The following RRS1 variants were observed in gnomAD, a reference collection of about 807,000 sequenced individuals.
The protein encoded by RRS1 is ribosome biogenesis regulatory protein homolog.
A neutral mutation model predicts 23.1 loss-of-function variants in RRS1; 10 were observed. The ratio of observed to expected loss-of-function variants is 0.43; its 90% CI spans 0.27 to 0.74. The LOEUF (loss-of-function observed/expected upper bound fraction) is 0.74, where lower values mean the gene tolerates loss of function less well. Ranked by LOEUF, RRS1 falls within the 30% of genes least tolerant of loss-of-function variation. The pLI is 0.19. For synonymous variants in RRS1, 198 were observed against 207.7 expected (o/e 0.95, Z 0.40); for missense variants, 485 against 484.3 (o/e 1.00, Z -0.01).
chr8:66,429,145 G>A lies in RRS1; in HGVS notation c.14G>A (p.Ser5Asn). 6.2e-7 allele frequency: 1 copy of A among 1,609,236 alleles called. No individual in the cohort carries two copies. Residue 5 changes from serine to asparagine, a missense_variant, in exon 1 of 1, where the codon AGC becomes AAC. Physicochemically the swap from Ser to Asn is conservative, Grantham distance 46 (BLOSUM62 1). Coordinates refer to ENST00000320270, the MANE Select transcript of RRS1 (RefSeq NM_015169.4). The surrounding 1 kb of genome is among the most constrained non-coding windows in gnomAD (Gnocchi z 5.1). MEGQSVEELLAKAEQ... is the reference protein window; with the variant it reads MEGQNVEELLAKAEQ... ...CGAGCCGGAGCCATGGAGGGCCAGA[G>A]CGTGGAGGAGCTGCTCGCAAAGGCA...
In RRS1 at chr8:66,430,126, G is replaced by A. The variant is rs1185068596; in HGVS notation, c.995G>A (p.Gly332Glu). 7 of 1,613,928 alleles carry A rather than the reference G, an allele frequency of 4.3e-6. No homozygotes were observed. The highest frequency in any genetic ancestry group is 2.2e-5 in the East Asian group (1 of 44,866). ...KRKGGPPSQG[G>E]KRKGGLGGKM... The stretch of plus-strand genomic sequence containing the variant: ...AAAGGGGGCCCGCCCAGCCAGGGAG[G>A]GAAGAGGAAAGGGGGCTTGGGAGGC... Residue 332 changes from glycine (G) to glutamate (E), a missense_variant, in exon 1 of 1, where the codon GGG becomes GAG. Physicochemically the swap from Gly to Glu is moderately conservative, Grantham distance 98 (BLOSUM62 -2). Transcript: ENST00000320270.
chr8:66,429,943 T>C lies in RRS1; in HGVS notation c.812T>C (p.Leu271Pro), dbSNP rs1805189250. 1 of 1,614,150 alleles carries C rather than the reference T, an allele frequency of 6.2e-7. No homozygotes were observed. The highest frequency in any genetic ancestry group is 8.5e-7 in the Non-Finnish European group (1 of 1,180,000). The change falls in exon 1 of 1, where the codon CTG becomes CCG. Residue 271 changes from leucine to proline, a missense_variant. Coordinates refer to ENST00000320270, the MANE Select transcript of RRS1 (RefSeq NM_015169.4). This position sits in a 1 kb window ranked among gnomAD's most constrained non-coding sequence, Gnocchi z 5.1. ...GCCGAGAAAAAGAACCAGTTGGAGCTGCTTCGTGTCATGAACAGCAAGAAG... is the reference window on the plus strand; with the variant it reads ...GCCGAGAAAAAGAACCAGTTGGAGCCGCTTCGTGTCATGAACAGCAAGAAG... ...FAAEKKNQLE[L>P]LRVMNSKKPQ...
In RRS1 at chr8:66,430,404, T is replaced by C; in HGVS notation, c.*175T>C. 6.1e-6 allele frequency: 4 copies of C among 654,310 alleles called. No individual in the cohort carries two copies. Among genetic ancestry groups the C allele is most frequent in the Non-Finnish European group, 1.0e-5 (4 of 384,472 alleles). 40.5% of individuals were successfully genotyped at this position (654,310 alleles called of 1,614,324 possible). A position where few individuals can be genotyped will look rare whatever the true frequency, so the allele number is the denominator to read the frequency against. ...GTAAGTGTTGGACTGCACAAATTAA[T>C]GTTTTTCCCACAACCGAGACTTTGG... On this transcript the variant is annotated 3_prime_UTR_variant, in exon 1 of 1. Transcript: ENST00000320270.
chr8:66,429,316 A>T lies in RRS1; in HGVS notation c.185A>T (p.Gln62Leu). The T allele has an allele frequency of 1.9e-6, 3 of 1,556,076 alleles. No homozygotes were observed. Among genetic ancestry groups the T allele is most frequent in the Non-Finnish European group, 2.6e-6 (3 of 1,149,864 alleles). Residue 62 changes from glutamine (Q) to leucine (L), a missense_variant, in exon 1 of 1, where the codon CAG (glutamine) becomes CTG (leucine). Coordinates refer to ENST00000320270, the MANE Select transcript of RRS1 (RefSeq NM_015169.4). This position sits in a 1 kb window ranked among gnomAD's most constrained non-coding sequence, Gnocchi z 5.1. ...CAGPTPEAEL[Q>L]ALARDNTQLL... ...GGACCCACGCCGGAGGCCGAGCTAC[A>T]GGCCCTGGCGCGGGACAACACGCAA...
chr8:66,429,056 T>G lies in RRS1; in HGVS notation c.-76T>G. The G allele has an allele frequency of 9.1e-6, 14 of 1,530,886 alleles. No homozygotes were observed. In the South Asian group the frequency reaches 1.7e-4, roughly 18 times the overall value. The allele number at this position is 1,530,886 out of a possible 1,614,324, so 94.8% of individuals were successfully genotyped here. A position where few individuals can be genotyped will look rare whatever the true frequency, so the allele number is the denominator to read the frequency against. The stretch of plus-strand genomic sequence containing the variant: ...TCCCGGCATCTGCACGTGGTTATGC[T>G]GCCGGAGTTTGGGCCGCCACTGTAG... On this transcript the variant is annotated 5_prime_UTR_variant, in exon 1 of 1. Coordinates refer to ENST00000320270, the MANE Select transcript of RRS1 (RefSeq NM_015169.4). The surrounding 1 kb of genome is among the most constrained non-coding windows in gnomAD (Gnocchi z 5.1).
chr8:66,430,521 CTTTT>C lies in RRS1; in HGVS notation c.*294_*297del. ...CTATTCTTAAACAGCCTTTTTTTTT[CTTTT>C]TAATGTTGGATATACGGCGAGGTAG... On this transcript the variant is annotated 3_prime_UTR_variant, in exon 1 of 1. Transcript: ENST00000320270. The C allele has an allele frequency of 2.7e-6, 1 of 373,456 alleles. No homozygotes were observed. 23.1% of individuals were successfully genotyped at this position (373,456 alleles called of 1,614,324 possible).
At position 66,429,140 on chromosome 8, in the gene RRS1, C is replaced by A. The variant is rs760850896; in HGVS notation, c.9C>A (p.Gly3=). The change falls in exon 1 of 1, where the codon GGC becomes GGA. Residue 3 remains glycine, a synonymous_variant. Transcript: ENST00000320270. The surrounding 1 kb of genome is among the most constrained non-coding windows in gnomAD (Gnocchi z 5.1). ...TGAGCCGAGCCGGAGCCATGGAGGG[C>A]CAGAGCGTGGAGGAGCTGCTCGCAA... The part of the protein sequence containing the change: ME[G]QSVEELLAKA... 1.9e-6 allele frequency: 3 copies of A among 1,606,786 alleles called. No homozygotes were observed. The highest frequency in any genetic ancestry group is 2.6e-6 in the Non-Finnish European group (3 of 1,175,116).
Position 66,430,409 on chromosome 8 carries a change from T to G in RRS1, c.*180T>G. 1 of 634,682 alleles carries G rather than the reference T, an allele frequency of 1.6e-6. No individual in the cohort carries two copies. The highest frequency in any genetic ancestry group is 2.7e-6 in the Non-Finnish European group (1 of 369,756). 39.3% of individuals were successfully genotyped at this position (634,682 alleles called of 1,614,324 possible). On this transcript the variant is annotated 3_prime_UTR_variant, in exon 1 of 1. Coordinates refer to ENST00000320270, the MANE Select transcript of RRS1 (RefSeq NM_015169.4). ...TGTTGGACTGCACAAATTAATGTTT[T>G]TCCCACAACCGAGACTTTGGAGATT...
Position 66,429,805 on chromosome 8 carries a change from C to T in RRS1, c.674C>T (p.Ala225Val). The T allele has an allele frequency of 1.2e-6, 2 of 1,612,980 alleles. No individual in the cohort carries two copies. Among genetic ancestry groups the T allele is most frequent in the Non-Finnish European group, 1.7e-6 (2 of 1,179,996 alleles). The change falls in exon 1 of 1, where the codon GCC (alanine) becomes GTC (valine). Residue 225 changes from alanine to valine, a missense_variant. By Grantham distance (64) the Ala-to-Val change is moderately conservative (BLOSUM62 0). Transcript: ENST00000320270. The surrounding 1 kb of genome is among the most constrained non-coding windows in gnomAD (Gnocchi z 5.1). ...GAGCTGGGCCGCGCCATGCAAGTGG[C>T]CAAGGTCTCCACCGCCTCTGTGGGG... ...KEELGRAMQV[A>V]KVSTASVGRF...
In RRS1 at chr8:66,429,118, G is replaced by A. The variant is rs746592272; in HGVS notation, c.-14G>A. 2 of 1,594,076 alleles carry A rather than the reference G, an allele frequency of 1.3e-6. No homozygotes were observed. The highest frequency in any genetic ancestry group is 1.7e-6 in the Non-Finnish European group (2 of 1,167,074). On this transcript the variant is annotated 5_prime_UTR_variant, in exon 1 of 1. Transcript: ENST00000320270. This position sits in a 1 kb window ranked among gnomAD's most constrained non-coding sequence, Gnocchi z 5.1. ...TCAGCTGCAGCCCCAAAGCGAGTGAGCCGAGCCGGAGCCATGGAGGGCCAG... is the reference window on the plus strand; with the variant it reads ...TCAGCTGCAGCCCCAAAGCGAGTGAACCGAGCCGGAGCCATGGAGGGCCAG...
chr8:66,429,720 C>T lies in RRS1; in HGVS notation c.589C>T (p.His197Tyr). 1 of 1,612,876 alleles carries T rather than the reference C, an allele frequency of 6.2e-7. No individual in the cohort carries two copies. Among genetic ancestry groups the T allele is most frequent in the Non-Finnish European group, 8.5e-7 (1 of 1,179,996 alleles). ...CCGGCTGCGTAACCTGGCCCGCGCGCACAAGATGCAGCTGCCCAGCGCGGC... is the reference window on the plus strand; with the variant it reads ...CCGGCTGCGTAACCTGGCCCGCGCGTACAAGATGCAGCTGCCCAGCGCGGC... ...LNRLRNLARA[H>Y]KMQLPSAAGL... is the part of the protein sequence containing the mutation. The change falls in exon 1 of 1, where the codon CAC becomes TAC. Residue 197 changes from histidine (H) to tyrosine (Y), a missense_variant. His to Tyr is a moderately conservative substitution (Grantham distance 83). Coordinates refer to ENST00000320270, the MANE Select transcript of RRS1 (RefSeq NM_015169.4). The surrounding 1 kb of genome is among the most constrained non-coding windows in gnomAD (Gnocchi z 5.1).
chr8:66,429,945 C>T lies in RRS1; in HGVS notation c.814C>T (p.Leu272Phe), dbSNP rs1386782117. The T allele has an allele frequency of 6.2e-7, 1 of 1,614,120 alleles. No homozygotes were observed. Among genetic ancestry groups the T allele is most frequent in the South Asian group, 1.1e-5 (1 of 91,080 alleles). Reference sequence around the variant, plus strand: ...CGAGAAAAAGAACCAGTTGGAGCTGCTTCGTGTCATGAACAGCAAGAAGCC... The same window carrying T: ...CGAGAAAAAGAACCAGTTGGAGCTGTTTCGTGTCATGAACAGCAAGAAGCC... Reference protein sequence around the residue: ...AAEKKNQLELLRVMNSKKPQL... With the variant: ...AAEKKNQLELFRVMNSKKPQL... Residue 272 changes from leucine (L) to phenylalanine (F), a missense_variant, in exon 1 of 1, where the codon CTT becomes TTT. Transcript: ENST00000320270. This position sits in a 1 kb window ranked among gnomAD's most constrained non-coding sequence, Gnocchi z 5.1.
Position 66,429,895 on chromosome 8 carries a change from A to T in RRS1, c.764A>T (p.Gln255Leu), listed in dbSNP as rs1351060284. The part of the protein sequence containing the change: ...PRGSGKKRKF[Q>L]PLFGDFAAEK... ...GGCTCCGGCAAGAAAAGGAAGTTTC[A>T]ACCCCTTTTCGGGGACTTTGCAGCC... The change falls in exon 1 of 1, where the codon CAA becomes CTA. Residue 255 changes from glutamine to leucine, a missense_variant. Transcript: ENST00000320270. The surrounding 1 kb of genome is among the most constrained non-coding windows in gnomAD (Gnocchi z 5.1). The T allele has an allele frequency of 6.2e-7, 1 of 1,614,156 alleles. No homozygotes were observed. The highest frequency in any genetic ancestry group is 8.5e-7 in the Non-Finnish European group (1 of 1,180,038).
Position 66,429,321 on chromosome 8 carries a change from C to T in RRS1, c.190C>T (p.Leu64=). The T allele has an allele frequency of 6.4e-7, 1 of 1,554,912 alleles. No individual in the cohort carries two copies. Among genetic ancestry groups the T allele is most frequent in the Non-Finnish European group, 8.7e-7 (1 of 1,149,172 alleles). ...CACGCCGGAGGCCGAGCTACAGGCCCTGGCGCGGGACAACACGCAACTGCT... is the reference window on the plus strand; with the variant it reads ...CACGCCGGAGGCCGAGCTACAGGCCTTGGCGCGGGACAACACGCAACTGCT... ...GPTPEAELQA[L]ARDNTQLLIN... is the part of the protein sequence containing the mutation. Residue 64 remains leucine, a synonymous_variant, in exon 1 of 1, where the codon CTG becomes TTG. Transcript: ENST00000320270. The surrounding 1 kb of genome is among the most constrained non-coding windows in gnomAD (Gnocchi z 5.1).
chr8:66,429,065 T>C lies in RRS1; in HGVS notation c.-67T>C. On this transcript the variant is annotated 5_prime_UTR_variant, in exon 1 of 1. Transcript: ENST00000320270. The surrounding 1 kb of genome is among the most constrained non-coding windows in gnomAD (Gnocchi z 5.1). ...CTGCACGTGGTTATGCTGCCGGAGT[T>C]TGGGCCGCCACTGTAGGAAAAGTAA... is the stretch of plus-strand genomic sequence containing the variant. 4 of 1,535,116 alleles carry C rather than the reference T, an allele frequency of 2.6e-6. No homozygotes were observed. The highest frequency in any genetic ancestry group is 2.4e-4 in the Middle Eastern group (1 of 4,118).
Position 66,430,295 on chromosome 8 carries a change from CAAT to C in RRS1, c.*67_*69del. 6.5e-7 allele frequency: 1 copy of C among 1,546,350 alleles called. No individual in the cohort carries two copies. Among genetic ancestry groups the C allele is most frequent in the Non-Finnish European group, 8.8e-7 (1 of 1,133,002 alleles). On this transcript the variant is annotated 3_prime_UTR_variant, in exon 1 of 1. Coordinates refer to ENST00000320270, the MANE Select transcript of RRS1 (RefSeq NM_015169.4). The stretch of plus-strand genomic sequence containing the variant: ...TGAATACTAAATGTTAAGTTCTAGG[CAAT>C]TATACGGGGACTCAGAAGGACCTGG...
chr8:66,430,018 ACCAGGAGGAGGCCG>A lies in RRS1; in HGVS notation c.891_904del (p.Ala300GlufsTer72). ...ACCAATAAGCAGATGAGGGAGGAGG[ACCAGGAGGAGGCCG>A]CCAAGAGGAGGAAAATGAGCCAGAA... is the stretch of plus-strand genomic sequence containing the variant. On this transcript the variant is annotated frameshift_variant, in exon 1 of 1. Transcript: ENST00000320270. LOFTEE classifies it high-confidence loss of function. 1 of 1,611,856 alleles carries A rather than the reference ACCAGGAGGAGGCCG, an allele frequency of 6.2e-7. No homozygotes were observed.
chr8:66,430,709 ATGTCT>A lies in RRS1; in HGVS notation c.*482_*486del. 1 of 172,404 alleles carries A rather than the reference ATGTCT, an allele frequency of 5.8e-6. No individual in the cohort carries two copies. The highest frequency in any genetic ancestry group is 3.4e-3 in the Middle Eastern group (1 of 298). 10.7% of individuals were successfully genotyped at this position (172,404 alleles called of 1,614,324 possible). On this transcript the variant is annotated 3_prime_UTR_variant, in exon 1 of 1. Transcript: ENST00000320270. ...CTGTTTTAAAGATTAAGTAATAAAG[ATGTCT>A]TATCTAGTGTGACTTTTAACTTTCT...
In RRS1 at chr8:66,430,017, G is replaced by A. The variant is rs115935831; in HGVS notation, c.886G>A (p.Asp296Asn). 2.5e-3 allele frequency: 4,074 copies of A among 1,611,832 alleles called. 38 individuals carry two copies. The highest frequency in any genetic ancestry group is 0.023 in the African/African-American group (1,734 of 74,752). ...CACCAATAAGCAGATGAGGGAGGAG[G>A]ACCAGGAGGAGGCCGCCAAGAGGAG... Reference protein sequence around the residue: ...RATNKQMREEDQEEAAKRRKM... With the variant: ...RATNKQMREENQEEAAKRRKM... The change falls in exon 1 of 1, where the codon GAC becomes AAC. Residue 296 changes from aspartate (D) to asparagine (N), a missense_variant. Transcript: ENST00000320270.
Sources: allele counts gnomAD v4.1 joint callset, GRCh38; gene constraint gnomAD v4.1.1; non-coding constraint Gnocchi (gnomAD v3.1); transcripts MANE v1.5; gene names NCBI Gene and HGNC (gene_info 2026-07-23, HGNC 2026-07-21).